Variants in BPIFB4 observed in about 807,000 individuals in gnomAD.
BPIFB4 encodes the protein BPI fold containing family B member 4.
In BPIFB4, 62 loss-of-function variants were observed where a neutral mutation model predicts 69.2. The observed-to-expected ratio is 0.90, with a 90% CI of 0.73 to 1.11. The LOEUF (loss-of-function observed/expected upper bound fraction) is 1.11. Among genes scored for constraint, BPIFB4 ranks in the 50% least tolerant of loss-of-function variants. The probability of loss-of-function intolerance (pLI) is 0.00; values close to 1 mark genes in which losing one functional copy is unlikely to be tolerated. For missense variants in BPIFB4, 789 were observed against 792.0 expected (o/e 1.00, Z 0.04); for synonymous variants, 330 against 332.7 (o/e 0.99, Z 0.09).
intron 2 of BPIFB4, among the ~76,000 whole-genome samples, chr20:33,080,854 A>G (rs1398994675): frequency 5.9e-5 from 9 of 152,056 alleles, no homozygotes; most frequent in Admixed American, 5.9e-4. Context: ...TGGATGACAG[A>G]TGGATGATAG....
chr20:33,106,800 AG>A (rs1982071645), intron 16 of BPIFB4, among the ~76,000 whole-genome samples: 1 of 152,176 alleles, frequency 6.6e-6, no homozygotes, highest in South Asian at 2.1e-4. Flanking sequence ...CTTGCAGAGG[AG>A]GTAACATCTG....
rs1469129821 is a variant in BPIFB4 at position 33,089,547 on chromosome 20, G to A, written c.1040G>A (p.Gly347Asp). The A allele has an allele frequency of 1.2e-6, 2 of 1,614,242 alleles. No homozygotes were observed. The highest frequency in any genetic ancestry group is 1.7e-6 in the Non-Finnish European group (2 of 1,180,046). ...VVLGLVNDQLGLVDSLIPLGI... is the reference protein window; with the variant it reads ...VVLGLVNDQLDLVDSLIPLGI... The stretch of plus-strand genomic sequence containing the variant: ...CTGGGTCTTGTCAATGACCAGCTGG[G>A]CCTCGTGGATTGTAAGTCCAATACA... Residue 347 changes from glycine to aspartate, a missense_variant, in exon 9 of 18, where the codon GGC becomes GAC. Physicochemically the swap from Gly to Asp is moderately conservative, Grantham distance 94. Around this residue, in one of 3 missense-constraint regions of BPIFB4, gnomAD observed 611 missense variants for 575.4 expected, o/e 1.06. Coordinates refer to ENST00000375483, the MANE Select transcript of BPIFB4 (RefSeq NM_182519.3).
rs1376041019 is a variant in BPIFB4 at position 33,090,757 on chromosome 20, C to G, written c.1101C>G (p.Ser367Arg). 2 of 1,614,080 alleles carry G rather than the reference C, an allele frequency of 1.2e-6. No individual in the cohort carries two copies. The highest frequency in any genetic ancestry group is 2.7e-5 in the African/African-American group (2 of 74,932). Reference sequence around the variant, plus strand: ...GAAGTGTCCAGTACACCTTCTCCAGCCTCCCGCTTGTGACCGGGGAATTCC... The same window carrying G: ...GAAGTGTCCAGTACACCTTCTCCAGGCTCCCGCTTGTGACCGGGGAATTCC... ...ILGSVQYTFS[S>R]LPLVTGEFLE... Residue 367 changes from serine to arginine, a missense_variant, in exon 10 of 18, where the codon AGC becomes AGG. Coordinates refer to ENST00000375483, the MANE Select transcript of BPIFB4 (RefSeq NM_182519.3).
intron 12 of BPIFB4, among the ~76,000 whole-genome samples, chr20:33,096,256 A>G (rs1981750746): frequency 6.6e-6 from 1 of 152,068 alleles, no homozygotes; most frequent in Non-Finnish European, 1.5e-5. Context: ...ACAGCTTATG[A>G]AATTGTTTTT....
intron 4 of BPIFB4, 94 bp downstream of exon 4, chr20:33,083,094 G>A (rs1447191948): frequency 5.6e-6 from 3 of 538,466 alleles, no homozygotes; most frequent in African/African-American, 2.4e-5. Context: ...CTCCTGGGGG[G>A]CCTGCTTGGT....
At chr20:33,108,337 C>T (rs1208868748) in intron 17 of BPIFB4, among the ~76,000 whole-genome samples, 2 of 150,562 alleles carry the variant, frequency 1.3e-5, no homozygotes, top group Admixed American at 1.3e-4. Flanking sequence ...TTCTTGTTTC[C>T]ACTATAAAAA....
chr20:33,084,188 A>G (rs2038032955), intron 5 of BPIFB4, among the ~76,000 whole-genome samples: 1 of 152,204 alleles, frequency 6.6e-6, no homozygotes, highest in Admixed American at 6.5e-5. Flanking sequence ...AAAAGACCCC[A>G]AGGATTTAAA....
intron 10 of BPIFB4, 46 bp from the exon 11 acceptor site, chr20:33,092,412 T>C: frequency 1.3e-6 from 2 of 1,542,592 alleles, no homozygotes; most frequent in Non-Finnish European, 1.8e-6. Context: ...TCCCCTTCTT[T>C]CCATCTTCTC....
chr20:33,081,740 AG>A (rs1238531614), intron 3 of BPIFB4, 108 bp downstream of exon 3: 5 of 1,477,028 alleles, frequency 3.4e-6, no homozygotes, highest in Non-Finnish European at 4.5e-6. Context: ...TCACATCGGG[AG>A]GCTGGGTGAA....
At chr20:33,087,717 A>AACACACACACACACACAC (rs1555882746) in intron 7 of BPIFB4, among the ~76,000 whole-genome samples, 1 of 59,436 alleles carries the variant, frequency 1.7e-5, no homozygotes, top group African/African-American at 6.1e-5. Context: ...CTATCCCCTC[A>AACACACACACACACACAC]ACACACACAC....
At chr20:33,102,322 C>T (rs76135853) in intron 14 of BPIFB4, among the ~76,000 whole-genome samples, 116 of 152,366 alleles carry the variant, frequency 7.6e-4, no homozygotes, top group African/African-American at 2.6e-3. Flanking sequence ...CAGCCCCGAA[C>T]GATTTCCGCC....
intron 15 of BPIFB4, among the ~76,000 whole-genome samples, chr20:33,104,488 G>A (rs928805187): frequency 1.3e-5 from 2 of 152,132 alleles, no homozygotes; most frequent in Non-Finnish European, 2.9e-5. Context: ...CAGTGCCATC[G>A]GGGCCAGGCC....
chr20:33,084,163 A>G (rs1200596036), intron 5 of BPIFB4, among the ~76,000 whole-genome samples: 1 of 152,226 alleles, frequency 6.6e-6, no homozygotes, highest in Non-Finnish European at 1.5e-5. Context: ...TGGTCATAGT[A>G]ATACAGTGTA....
intron 1 of BPIFB4, among the ~76,000 whole-genome samples, 181 bp downstream of exon 1, chr20:33,079,884 G>A (rs1981177830): frequency 6.6e-6 from 1 of 152,228 alleles, no homozygotes; most frequent in Non-Finnish European, 1.5e-5. Flanking sequence ...AAAAAGGCCT[G>A]GGTTATGCCA....
chr20:33,103,839 T>C (rs1568588340), intron 15 of BPIFB4, among the ~76,000 whole-genome samples: 1 of 152,206 alleles, frequency 6.6e-6, no homozygotes, highest in African/African-American at 2.4e-5. Context: ...TCCCAGCTGG[T>C]TGGGGCAGAG....
Position 33,111,625 on chromosome 20 carries a change from A to G in BPIFB4, c.*188A>G. ...GGTCCAGCCACTACCCTGTTGGCAA[A>G]CATTCCCTTCCATGGTCAGCCTGCC... On this transcript the variant is annotated 3_prime_UTR_variant, in exon 18 of 18. Coordinates refer to ENST00000375483, the MANE Select transcript of BPIFB4 (RefSeq NM_182519.3). The G allele has an allele frequency of 1.5e-6, 1 of 670,058 alleles. No individual in the cohort carries two copies. Among genetic ancestry groups the G allele is most frequent in the Non-Finnish European group, 2.5e-6 (1 of 399,276 alleles). 41.5% of individuals were successfully genotyped at this position (670,058 alleles called of 1,614,324 possible).
chr20:33,100,577 G>C, intron 14 of BPIFB4, 84 bp downstream of exon 14: 1 of 1,328,202 alleles, frequency 7.5e-7, no homozygotes, highest in Non-Finnish European at 1.1e-6. Context: ...GAGGTCTCCT[G>C]TGTGGCCATC....
At position 33,107,726 on chromosome 20, in the gene BPIFB4, CTGT is replaced by C; in HGVS notation, c.1745-16_1745-14del. 6.2e-7 allele frequency: 1 copy of C among 1,605,786 alleles called. No individual in the cohort carries two copies. Among genetic ancestry groups the C allele is most frequent in the South Asian group, 1.1e-5 (1 of 90,804 alleles). Reference sequence around the variant, plus strand: ...CTCTTGGACCACTGACCATGTCTGACTGTTTTTTATTTTACAGCTGTGCTGGGT... The same window carrying C: ...CTCTTGGACCACTGACCATGTCTGACTTTTTATTTTACAGCTGTGCTGGGT... On this transcript the variant is annotated splice_polypyrimidine_tract_variant and intron_variant, in intron 16 of 17. Coordinates refer to ENST00000375483, the MANE Select transcript of BPIFB4 (RefSeq NM_182519.3).
At chr20:33,108,608 C>G (rs1982145705) in intron 17 of BPIFB4, among the ~76,000 whole-genome samples, 1 of 151,972 alleles carries the variant, frequency 6.6e-6, no homozygotes, top group Non-Finnish European at 1.5e-5. Context: ...CTAACTCTGC[C>G]AGTTTCCAGC....
Sources: allele counts gnomAD v4.1 joint callset (sites outside exome capture counted in the v4.1 genomes callset), GRCh38; gene constraint gnomAD v4.1.1; regional missense constraint gnomAD v4.1.1; transcripts MANE v1.5; gene names NCBI Gene and HGNC (gene_info 2026-07-23, HGNC 2026-07-21).